TM9SF4: variants seen among roughly 807,000 people sequenced by gnomAD.
TM9SF4 encodes transmembrane 9 superfamily member 4, also known as dinucleotide oxidase disulfide thiol exchanger 3 superfamily member 4.
A neutral mutation model predicts 90.4 loss-of-function variants in TM9SF4; 26 were observed. The ratio of observed to expected loss-of-function variants is 0.29; its 90% CI spans 0.21 to 0.40. The LOEUF (loss-of-function observed/expected upper bound fraction) is 0.40, where lower values mean the gene tolerates loss of function less well. Among genes scored for constraint, TM9SF4 ranks in the 10% least tolerant of loss-of-function variants. The probability of loss-of-function intolerance (pLI) is 1.00; values close to 1 mark genes in which losing one functional copy is unlikely to be tolerated. For synonymous variants in TM9SF4, 293 were observed against 315.4 expected (o/e 0.93, Z 0.75); for missense variants, 549 against 834.8 (o/e 0.66, Z 4.22).
intron 6 of TM9SF4, among the ~76,000 whole-genome samples, chr20:32,144,269 A>G (rs2046727194): frequency 6.6e-6 from 1 of 152,188 alleles, no homozygotes; most frequent in African/African-American, 2.4e-5. Flanking sequence ...AGCACCTAGC[A>G]CAGTACCTGG....
At chr20:32,131,616 A>G (rs932458954) in intron 1 of TM9SF4, among the ~76,000 whole-genome samples, 4 of 152,124 alleles carry the variant, frequency 2.6e-5, no homozygotes, top group Non-Finnish European at 5.9e-5. Context: ...GTGGGAGGAA[A>G]TAAGCATCTG....
chr20:32,141,706 G>T lies in TM9SF4; in HGVS notation c.398+41G>T, dbSNP rs770243024. ...CTCCTTGCTGCCTCAGGCTCACACAGGGGAGGACACTGACGGGAGAGGCGG... is the reference window on the plus strand; with the variant it reads ...CTCCTTGCTGCCTCAGGCTCACACATGGGAGGACACTGACGGGAGAGGCGG... On this transcript the variant is annotated intron_variant, in intron 4 of 17. Transcript: ENST00000398022. The T allele has an allele frequency of 1.1e-5, 18 of 1,613,394 alleles. No homozygotes were observed. The Middle Eastern group carries it at 5.0e-4, about 44-fold the overall frequency.
At chr20:32,121,044 TTCA>T (rs1346496560) in intron 1 of TM9SF4, among the ~76,000 whole-genome samples, 8 of 152,180 alleles carry the variant, frequency 5.3e-5, no homozygotes, top group Admixed American at 3.9e-4. Context: ...TTTTCATCTG[TTCA>T]TCATCATCAT....
At chr20:32,163,447 T>C (rs2047056463) in intron 17 of TM9SF4, among the ~76,000 whole-genome samples, 1 of 151,198 alleles carries the variant, frequency 6.6e-6, no homozygotes, top group Non-Finnish European at 1.5e-5. Flanking sequence ...TCTTTCCAGC[T>C]TTGCAGCCCT....
chr20:32,163,201 G>A (rs909585112), intron 17 of TM9SF4, among the ~76,000 whole-genome samples: 6 of 137,382 alleles, frequency 4.4e-5, no homozygotes, highest in African/African-American at 1.6e-4. Flanking sequence ...AGCCAAGATC[G>A]TGCCACTGCA....
Position 32,146,867 on chromosome 20 carries a change from T to C in TM9SF4, c.954+12T>C, listed in dbSNP as rs2046770471. ...AGGAGGATGACATTGTACGAGGTCT[T>C]GGCTGGGGAGGGATGAAGTTGGATG... On this transcript the variant is annotated intron_variant, in intron 9 of 17. Transcript: ENST00000398022. The C allele has an allele frequency of 6.2e-7, 1 of 1,612,984 alleles. No individual in the cohort carries two copies. The highest frequency in any genetic ancestry group is 8.5e-7 in the Non-Finnish European group (1 of 1,179,596).
intron 9 of TM9SF4, 44 bp downstream of exon 9, chr20:32,146,899 G>A (rs1165515336): frequency 1.9e-6 from 3 of 1,573,356 alleles, no homozygotes; most frequent in African/African-American, 1.3e-5. Context: ...GATGGGGAGG[G>A]GAGGAGGACC....
chr20:32,163,262 A>ATAT (rs1321501211), intron 17 of TM9SF4, among the ~76,000 whole-genome samples: 1 of 71,260 alleles, frequency 1.4e-5, no homozygotes, highest in African/African-American at 6.0e-5. Context: ...AAAAAAAAAA[A>ATAT]AAAAAAATAT....
intron 14 of TM9SF4, 62 bp downstream of exon 14, chr20:32,158,031 A>C (rs1483988035): frequency 3.1e-6 from 5 of 1,589,966 alleles, no homozygotes; most frequent in Non-Finnish European, 4.3e-6. Flanking sequence ...CCCCTCCGCC[A>C]CCAGAAGGGT....
chr20:32,133,191 G>A, intron 2 of TM9SF4, 65 bp downstream of exon 2: 1 of 1,468,800 alleles, frequency 6.8e-7, no homozygotes, highest in South Asian at 1.2e-5. Flanking sequence ...ACCATGGTGA[G>A]CTGTTCGTGT....
At chr20:32,157,340 A>T (rs1195481803) in intron 13 of TM9SF4, among the ~76,000 whole-genome samples, 2 of 152,196 alleles carry the variant, frequency 1.3e-5, no homozygotes, top group Non-Finnish European at 2.9e-5. Flanking sequence ...TGTTTTTATT[A>T]AAATGGAATC....
intron 1 of TM9SF4, among the ~76,000 whole-genome samples, chr20:32,126,465 C>T (rs2046423856): frequency 6.6e-6 from 1 of 152,168 alleles, no homozygotes; most frequent in Non-Finnish European, 1.5e-5. Flanking sequence ...TCTCGCCTCC[C>T]TTCAGGTTTC....
intron 17 of TM9SF4, 73 bp from the exon 18 acceptor site, chr20:32,165,222 G>T: frequency 6.3e-7 from 1 of 1,594,450 alleles, no homozygotes; most frequent in African/African-American, 1.3e-5. Context: ...ATATCAGTGA[G>T]AGTGGGGCCC....
At chr20:32,128,645 A>G (rs1326773965) in intron 1 of TM9SF4, among the ~76,000 whole-genome samples, 1 of 152,144 alleles carries the variant, frequency 6.6e-6, no homozygotes, top group Non-Finnish European at 1.5e-5. Flanking sequence ...TGTACACATT[A>G]TTTAGCTCCC....
intron 12 of TM9SF4, among the ~76,000 whole-genome samples, chr20:32,151,869 G>GT (rs999123409): frequency 8.3e-4 from 117 of 141,166 alleles, no homozygotes; most frequent in South Asian, 1.1e-3. Context: ...TTGTTTTTTT[G>GT]TTTTTTTTTT....
chr20:32,136,435 A>G (rs1389323586), intron 3 of TM9SF4, among the ~76,000 whole-genome samples: 1 of 152,214 alleles, frequency 6.6e-6, no homozygotes, highest in African/African-American at 2.4e-5. Context: ...AGCCAGAGTG[A>G]TCTTTGTTTT....
intron 3 of TM9SF4, chr20:32,136,745 T>G (rs2046599696): frequency 2.3e-6 from 1 of 429,018 alleles, no homozygotes; most frequent in Non-Finnish European, 4.9e-6. Context: ...GAATTTCAGG[T>G]GTAGAGGTGT....
At chr20:32,157,648 G>A in intron 13 of TM9SF4, 146 bp from the exon 14 acceptor site, 2 of 1,059,994 alleles carry the variant, frequency 1.9e-6, no homozygotes, top group Non-Finnish European at 1.3e-6. Context: ...ATTCTGGCCA[G>A]GAGCCCTGTG....
chr20:32,132,787 C>T (rs1301313040), intron 1 of TM9SF4, among the ~76,000 whole-genome samples: 4 of 152,262 alleles, frequency 2.6e-5, no homozygotes, highest in Admixed American at 6.5e-5. Flanking sequence ...CCCTTTTGCC[C>T]AGATGTTAAT....
Sources: allele counts gnomAD v4.1 joint callset (sites outside exome capture counted in the v4.1 genomes callset), GRCh38; gene constraint gnomAD v4.1.1; transcripts MANE v1.5; gene names NCBI Gene and HGNC (gene_info 2026-07-23, HGNC 2026-07-21).